KSR2: variants seen among roughly 807,000 people sequenced by gnomAD.
The protein encoded by KSR2 is kinase suppressor of ras 2.
KSR2 carries 25 observed loss-of-function variants against 107.8 expected under a neutral mutation model. The observed-to-expected ratio is 0.23, with a 90% CI of 0.17 to 0.32. The LOEUF (loss-of-function observed/expected upper bound fraction) is 0.32. Among genes scored for constraint, KSR2 ranks in the 10% least tolerant of loss-of-function variants. The pLI is 1.00. For missense variants in KSR2, 887 were observed against 1,268.9 expected, an observed-to-expected ratio of 0.70 and a Z score of 4.57; for synonymous variants, 480 against 507.0, an observed-to-expected ratio of 0.95 and a Z score of 0.71.
intron 3 of KSR2, among the ~76,000 whole-genome samples, chr12:117,804,200 C>T (rs894040571): frequency 3.9e-5 from 6 of 152,150 alleles, no homozygotes; most frequent in Non-Finnish European, 5.9e-5. Flanking sequence ...TGTGCCACCA[C>T]GCCCGGCTAA....
At chr12:117,938,872 G>A (rs1050913511) in intron 1 of KSR2, among the ~76,000 whole-genome samples, 3 of 152,008 alleles carry the variant, frequency 2.0e-5, no homozygotes, top group Non-Finnish European at 4.4e-5. Flanking sequence ...GAACATTATC[G>A]TGATCATCAT....
Position 117,682,978 on chromosome 12 carries a change from C to T in KSR2, c.987-15320G>A, listed in dbSNP as rs552040689. Among the ~76,000 whole-genome samples, 313 of 152,138 alleles carry T rather than the reference C, an allele frequency of 2.1e-3. 1 individual carries two copies. Among genetic ancestry groups the T allele is most frequent in the African/African-American group, 7.4e-3 (305 of 41,484 alleles). On this transcript the variant is annotated intron_variant, in intron 4 of 19. Transcript: ENST00000339824. ...GGGTGAGAGGCAGAGGAGTCAGATGCCTCCTAAGTTGAAGCTTCAAATAGA... is the reference window on the plus strand; with the variant it reads ...GGGTGAGAGGCAGAGGAGTCAGATGTCTCCTAAGTTGAAGCTTCAAATAGA...
Position 117,476,453 on chromosome 12 carries a change from G to T in KSR2, c.2582+11C>A. On this transcript the variant is annotated intron_variant, in intron 17 of 19. Transcript: ENST00000339824. ...CTGTGGCTCTCAATGGCCAGGGCAG[G>T]GCCCACTTACCCAAGGGCAAAGACG... 6.3e-7 allele frequency: 1 copy of T among 1,588,990 alleles called. No individual in the cohort carries two copies.
intron 3 of KSR2, among the ~76,000 whole-genome samples, chr12:117,834,076 G>A (rs145372273): frequency 6.6e-6 from 1 of 151,992 alleles, no homozygotes; most frequent in Non-Finnish European, 1.5e-5. Flanking sequence ...GGCAGGCAAA[G>A]GTTGCAGTGA....
intron 1 of KSR2, chr12:117,890,779 C>T (rs1894318815): frequency 6.6e-6 from 1 of 152,182 alleles, no homozygotes; most frequent in Admixed American, 6.5e-5. Flanking sequence ...CCATATCTTG[C>T]ATCACACTTG....
intron 1 of KSR2, among the ~76,000 whole-genome samples, chr12:117,960,597 C>T (rs1896632638): frequency 6.6e-6 from 1 of 152,156 alleles, no homozygotes; most frequent in Non-Finnish European, 1.5e-5. Context: ...ATCAGATAAA[C>T]ACAACCACAA....
At chr12:117,806,488 G>A (rs1024533424) in intron 3 of KSR2, among the ~76,000 whole-genome samples, 16 of 152,132 alleles carry the variant, frequency 1.1e-4, no homozygotes, top group Admixed American at 3.9e-4. Context: ...GCAGACTAAG[G>A]ACTTCAATAT....
chr12:117,718,182 G>C (rs1485510518), intron 4 of KSR2, among the ~76,000 whole-genome samples: 3 of 152,158 alleles, frequency 2.0e-5, no homozygotes, highest in Non-Finnish European at 4.4e-5. Context: ...AACTTCATCT[G>C]GATTAACAGA....
At chr12:117,722,911 G>A (rs1241532496) in intron 4 of KSR2, among the ~76,000 whole-genome samples, 1 of 152,170 alleles carries the variant, frequency 6.6e-6, no homozygotes, top group Non-Finnish European at 1.5e-5. Context: ...CTCCATCCCA[G>A]ATCTCTCCAT....
chr12:117,706,412 A>G (rs1429517250), intron 4 of KSR2, among the ~76,000 whole-genome samples: 1 of 152,158 alleles, frequency 6.6e-6, no homozygotes, highest in African/African-American at 2.4e-5. Flanking sequence ...CGGAGCCTCA[A>G]AGAGGTGAAA....
intron 5 of KSR2, among the ~76,000 whole-genome samples, chr12:117,605,262 T>C (rs1350351441): frequency 6.6e-6 from 1 of 152,160 alleles, no homozygotes; most frequent in African/African-American, 2.4e-5. Flanking sequence ...AAGGACACTC[T>C]CTCCAACCCA....
chr12:117,523,467 C>T (rs1268179145), intron 14 of KSR2, among the ~76,000 whole-genome samples: 1 of 152,192 alleles, frequency 6.6e-6, no homozygotes, highest in African/African-American at 2.4e-5. Flanking sequence ...GATTGTTTCA[C>T]AACTGTTCCA....
At chr12:117,925,127 CTT>C (rs770736440) in intron 1 of KSR2, among the ~76,000 whole-genome samples, 10 of 141,222 alleles carry the variant, frequency 7.1e-5, no homozygotes, top group Non-Finnish European at 6.2e-5. Context: ...TATTTTCTTT[CTT>C]TTTTTTTTTT....
At chr12:117,606,652 C>T (rs1447099799) in intron 5 of KSR2, among the ~76,000 whole-genome samples, 1 of 130,802 alleles carries the variant, frequency 7.6e-6, no homozygotes, top group African/African-American at 3.2e-5. Flanking sequence ...TCCCTTCTTC[C>T]TTCCCTCCTC....
At chr12:117,767,336 C>T (rs1235595210) in intron 3 of KSR2, among the ~76,000 whole-genome samples, 3 of 149,920 alleles carry the variant, frequency 2.0e-5, no homozygotes, top group Non-Finnish European at 4.4e-5. Flanking sequence ...GAGCTGGAGG[C>T]TGAGGCAGGA....
chr12:117,497,070 G>A lies in KSR2; in HGVS notation c.2220-11379C>T, dbSNP rs528078162. On this transcript the variant is annotated intron_variant, in intron 14 of 19. Transcript: ENST00000339824. Reference sequence around the variant, plus strand: ...TTTTTATATTTTTAGTGGAGACAGGGTATCACCATGTTGTCCAGGCTGGTC... The same window carrying A: ...TTTTTATATTTTTAGTGGAGACAGGATATCACCATGTTGTCCAGGCTGGTC... Among the ~76,000 whole-genome samples the A allele has an allele frequency of 2.6e-5, 4 of 151,904 alleles. No individual in the cohort carries two copies. In the South Asian group the frequency reaches 8.3e-4, roughly 32 times the overall value.
chr12:117,555,173 T>C lies in KSR2; in HGVS notation c.1514A>G (p.Asn505Ser). 2 of 1,613,732 alleles carry C rather than the reference T, an allele frequency of 1.2e-6. No individual in the cohort carries two copies. Among genetic ancestry groups the C allele is most frequent in the African/African-American group, 1.3e-5 (1 of 74,998 alleles). The change falls in exon 9 of 20, where the codon AAC becomes AGC. Residue 505 changes from asparagine (N) to serine (S), a missense_variant. Transcript: ENST00000339824. ...CCAGGGGAAGCCCAGCCTTACCTTG[T>C]TGATTTTGTTGGTTTTGGGGAGCGT... ...SQTLPKTNKI[N>S]KDHIPVPYQP... is the part of the protein sequence containing the mutation.
At chr12:117,539,658 C>T in intron 10 of KSR2, 61 bp downstream of exon 10, 1 of 1,467,200 alleles carries the variant, frequency 6.8e-7, no homozygotes, top group Non-Finnish European at 9.1e-7. Flanking sequence ...GAACCCACCC[C>T]CTCCCTAATC....
At position 117,968,892 on chromosome 12, in the gene KSR2, G is replaced by C; in HGVS notation, c.-637C>G. 1 of 214,530 alleles carries C rather than the reference G, an allele frequency of 4.7e-6. No homozygotes were observed. Among genetic ancestry groups the C allele is most frequent in the South Asian group, 5.2e-5 (1 of 19,158 alleles). The allele number at this position is 214,530 out of a possible 1,614,324, so 13.3% of individuals were successfully genotyped here. On this transcript the variant is annotated 5_prime_UTR_variant, in exon 1 of 20. Transcript: ENST00000339824. ...CGGCTGGCTGCTGTCTCCTCCCCGC[G>C]CTGCTGCTGCTGCTGCTGCTGCCGC... is the stretch of plus-strand genomic sequence containing the variant.
Sources: allele counts gnomAD v4.1 joint callset (sites outside exome capture counted in the v4.1 genomes callset), GRCh38; gene constraint gnomAD v4.1.1; transcripts MANE v1.5; gene names NCBI Gene and HGNC (gene_info 2026-07-23, HGNC 2026-07-21).